RCL1: variants seen among roughly 807,000 people sequenced by gnomAD.
RCL1 encodes RNA 3'-terminal phosphate cyclase-like protein.
Under a neutral mutation model 42.4 loss-of-function variants are expected in RCL1, and 24 were observed. That is an observed-to-expected ratio of 0.57 (90% CI 0.41 to 0.80). The LOEUF (loss-of-function observed/expected upper bound fraction) is 0.80, where lower values mean the gene tolerates loss of function less well. RCL1 is among the 30% of genes least tolerant of loss of function. RCL1 has a pLI of 0.00. For synonymous variants in RCL1, 228 were observed against 177.3 expected (o/e 1.29, Z -2.27); for missense variants, 578 against 467.9 (o/e 1.24, Z -2.17).
At chr9:4,825,378 A>G (rs1330196770) in intron 2 of RCL1, among the ~76,000 whole-genome samples, 2 of 152,170 alleles carry the variant, frequency 1.3e-5, no homozygotes, top group Non-Finnish European at 2.9e-5. Flanking sequence ...TAGTGAATAT[A>G]TAGTCTTTTT....
chr9:4,841,517 C>T (rs995388183), intron 6 of RCL1, among the ~76,000 whole-genome samples, 160 bp downstream of exon 6: 4 of 152,206 alleles, frequency 2.6e-5, no homozygotes, highest in Non-Finnish European at 4.4e-5. Context: ...ACAGGCATTT[C>T]TTGAGTGCCT....
intron 5 of RCL1, chr9:4,839,666 A>G (rs1205423727): frequency 1.0e-6 from 1 of 985,296 alleles, no homozygotes; most frequent in East Asian, 1.1e-4. Flanking sequence ...GTATTGAAAA[A>G]TCCCTCTTTG....
chr9:4,846,183 G>A (rs1456667533), intron 7 of RCL1, among the ~76,000 whole-genome samples: 3 of 152,126 alleles, frequency 2.0e-5, no homozygotes, highest in Admixed American at 1.3e-4. Context: ...GTCCAAGATG[G>A]AACACATGAG....
intron 3 of RCL1, among the ~76,000 whole-genome samples, chr9:4,827,719 A>T (rs10974804): frequency 0.1 from 14,974 of 148,068 alleles, 963 homozygotes; most frequent in Middle Eastern, 0.23. Flanking sequence ...TCTTAATGCC[A>T]TTCTAGGATG....
chr9:4,817,206 C>A (rs370186232), intron 1 of RCL1, among the ~76,000 whole-genome samples: 1 of 152,048 alleles, frequency 6.6e-6, no homozygotes, highest in South Asian at 2.1e-4. Flanking sequence ...GAAAAAAATT[C>A]TTCTTGTCTT....
intron 1 of RCL1, chr9:4,803,693 C>T (rs1843044851): frequency 6.6e-6 from 1 of 152,458 alleles, no homozygotes; most frequent in African/African-American, 2.4e-5. Context: ...CCCAGGTGGC[C>T]TCCTCTTCTC....
chr9:4,842,410 G>A lies in RCL1; in HGVS notation c.710+1053G>A, dbSNP rs141962572. Among the ~76,000 whole-genome samples the A allele has an allele frequency of 2.3e-3, 356 of 152,304 alleles. 3 individuals are homozygous for A. The highest frequency in any genetic ancestry group is 4.2e-3 in the Non-Finnish European group (283 of 68,026). ...CCTTTATAAGGCCCAATGGAAAGAT[G>A]AAGGTAGTTTTAGAAATACAGTGGA... On this transcript the variant is annotated intron_variant, in intron 6 of 8. Coordinates refer to ENST00000381750, the MANE Select transcript of RCL1 (RefSeq NM_005772.5).
At position 4,849,498 on chromosome 9, in the gene RCL1, C is replaced by G. The variant is rs777811712; in HGVS notation, c.919C>G (p.Leu307Val). Residue 307 changes from leucine to valine, a missense_variant, in exon 8 of 9, where the codon CTT becomes GTT. By Grantham distance (32) the Leu-to-Val change is conservative. Coordinates refer to ENST00000381750, the MANE Select transcript of RCL1 (RefSeq NM_005772.5). ...NQSLALLLMT[L>V]GQQDVSKVLL... ...AAGCCTGGCGCTACTACTCATGACC[C>G]TTGGACAGCAGGATGTTTCCAAAGT... 1.2e-6 allele frequency: 2 copies of G among 1,613,912 alleles called. No individual in the cohort carries two copies. Among genetic ancestry groups the G allele is most frequent in the East Asian group, 2.2e-5 (1 of 44,866 alleles).
chr9:4,816,316 A>G (rs1193145799), intron 1 of RCL1, among the ~76,000 whole-genome samples: 2 of 152,230 alleles, frequency 1.3e-5, no homozygotes, highest in East Asian at 1.9e-4. Flanking sequence ...TTGATAAACA[A>G]TACTTCATAG....
Position 4,861,032 on chromosome 9 carries a change from A to G in RCL1, c.*757A>G, listed in dbSNP as rs980785892. The G allele has an allele frequency of 6.6e-6, 1 of 152,244 alleles. No homozygotes were observed. Among genetic ancestry groups the G allele is most frequent in the Non-Finnish European group, 1.5e-5 (1 of 68,046 alleles). 9.4% of individuals were successfully genotyped at this position (152,244 alleles called of 1,614,324 possible). ...AGGGTGTTTTGTTCCTTTGAAATGTATAATGTAAAGACATTAAATCTCCTC... is the reference window on the plus strand; with the variant it reads ...AGGGTGTTTTGTTCCTTTGAAATGTGTAATGTAAAGACATTAAATCTCCTC... On this transcript the variant is annotated 3_prime_UTR_variant, in exon 9 of 9. Transcript: ENST00000381750.
chr9:4,857,931 C>CCTTTTTTT (rs1353915044), intron 8 of RCL1, among the ~76,000 whole-genome samples: 1 of 103,048 alleles, frequency 9.7e-6, no homozygotes, highest in Non-Finnish European at 1.8e-5. Flanking sequence ...AGCTCTCCCA[C>CCTTTTTTT]TTTTTTTTTT....
intron 8 of RCL1, among the ~76,000 whole-genome samples, chr9:4,853,503 A>G (rs940404687): frequency 1.1e-4 from 17 of 151,984 alleles, no homozygotes; most frequent in African/African-American, 3.9e-4. Context: ...TTGTATTTTT[A>G]GTAGAGACGG....
intron 2 of RCL1, 128 bp from the exon 3 acceptor site, chr9:4,826,730 A>G: frequency 1.3e-6 from 1 of 768,578 alleles, no homozygotes; most frequent in Non-Finnish European, 2.2e-6. Flanking sequence ...GGCTCTTAGC[A>G]AGATGGCATT....
chr9:4,841,440 G>C (rs534342985), intron 6 of RCL1, 83 bp downstream of exon 6: 1 of 1,081,370 alleles, frequency 9.2e-7, no homozygotes, highest in African/African-American at 1.6e-5. Flanking sequence ...CCAGCTCTGA[G>C]GTTGCGCAGC....
rs934931225 is a variant in RCL1 at position 4,817,458 on chromosome 9, A to AT, written c.137-6081dup. Among the ~76,000 whole-genome samples, 168 of 132,722 alleles carry AT rather than the reference A, an allele frequency of 1.3e-3. 2 individuals carry two copies. Among genetic ancestry groups the AT allele is most frequent in the African/African-American group, 4.3e-3 (160 of 37,068 alleles). 87.1% of individuals were successfully genotyped at this position (132,722 alleles called of 152,430 possible). ...TGTATGTTCTCAGTTAATTAGCTTG[A>AT]TTTTTTTTTAATCTTTTTTTTTTTT... On this transcript the variant is annotated intron_variant, in intron 1 of 8. Coordinates refer to ENST00000381750, the MANE Select transcript of RCL1 (RefSeq NM_005772.5).
chr9:4,832,520 G>A (rs1478906971), intron 3 of RCL1, among the ~76,000 whole-genome samples: 1 of 152,050 alleles, frequency 6.6e-6, no homozygotes, highest in African/African-American at 2.4e-5. Flanking sequence ...GAATGAGTAG[G>A]GTTCTCCAGG....
intron 5 of RCL1, 141 bp from the exon 6 acceptor site, chr9:4,841,091 T>C (rs1265045054): frequency 2.4e-6 from 2 of 830,178 alleles, no homozygotes; most frequent in East Asian, 5.1e-5. Flanking sequence ...ATGGTACTAA[T>C]TCAGTAAATT....
At chr9:4,807,817 C>T (rs1816034401) in intron 1 of RCL1, among the ~76,000 whole-genome samples, 1 of 152,222 alleles carries the variant, frequency 6.6e-6, no homozygotes. Context: ...CCGCGCCTGG[C>T]AGCTATGGGT....
At chr9:4,850,263 G>T (rs778640070) in intron 8 of RCL1, 7 of 528,086 alleles carry the variant, frequency 1.3e-5, no homozygotes, top group African/African-American at 1.9e-5. Flanking sequence ...GGTGAGCTGG[G>T]TGGCAGGGAA....
Sources: gnomAD v4.1 joint callset for allele counts (sites outside exome capture counted in the v4.1 genomes callset) on GRCh38, gnomAD v4.1.1 for gene constraint, MANE v1.5 for transcripts, NCBI Gene and HGNC (gene_info 2026-07-23, HGNC 2026-07-21) for gene names.